The following SGMS1 variants were observed in gnomAD, a reference collection of about 807,000 sequenced individuals.
SGMS1 encodes phosphatidylcholine:ceramide cholinephosphotransferase 1.
A neutral mutation model predicts 46.2 loss-of-function variants in SGMS1; 13 were observed. The observed-to-expected ratio is 0.28, with a 90% CI of 0.18 to 0.45. The LOEUF is 0.45. SGMS1 is among the 20% of genes least tolerant of loss of function. The probability of loss-of-function intolerance (pLI) is 1.00; values close to 1 mark genes in which losing one functional copy is unlikely to be tolerated. For synonymous variants in SGMS1, 203 were observed against 187.8 expected (o/e 1.08, Z -0.66); for missense variants, 324 against 519.9 (o/e 0.62, Z 3.66).
intron 2 of SGMS1, among the ~76,000 whole-genome samples, chr10:50,548,830 A>G (rs1386455494): frequency 6.6e-6 from 1 of 152,186 alleles, no homozygotes; most frequent in African/African-American, 2.4e-5. Context: ...TCTAATATCC[A>G]GAGTCTACAA....
At chr10:50,608,859 A>G (rs1274023871) in intron 1 of SGMS1, among the ~76,000 whole-genome samples, 1 of 152,220 alleles carries the variant, frequency 6.6e-6, no homozygotes, top group East Asian at 1.9e-4. Context: ...AGTCCATCAT[A>G]TAAGATGGCA....
chr10:50,599,822 C>T (rs540916872), intron 1 of SGMS1, among the ~76,000 whole-genome samples: 86 of 152,182 alleles, frequency 5.7e-4, no homozygotes, highest in African/African-American at 2.0e-3. Context: ...AAGATTGCAC[C>T]ACTGCACCCC....
intron 2 of SGMS1, among the ~76,000 whole-genome samples, chr10:50,564,299 G>A (rs933110112): frequency 6.6e-6 from 1 of 152,200 alleles, no homozygotes; most frequent in Non-Finnish European, 1.5e-5. Flanking sequence ...GCTTCTAGAG[G>A]GCTAGCAAAT....
intron 3 of SGMS1, among the ~76,000 whole-genome samples, chr10:50,477,799 A>G (rs983620564): frequency 2.0e-5 from 3 of 152,162 alleles, no homozygotes; most frequent in African/African-American, 7.2e-5. Flanking sequence ...CTTCCCAGCC[A>G]TGTGAAGATG....
intron 6 of SGMS1, among the ~76,000 whole-genome samples, chr10:50,359,537 T>C (rs2574975): frequency 0.32 from 48,224 of 151,970 alleles, 7,887 homozygotes; most frequent in Middle Eastern, 0.42. Context: ...TATAATACTG[T>C]TTTATACATT....
At chr10:50,624,542 A>G (rs1412166864), upstream of SGMS1, 7 of 967,720 alleles carry the variant, frequency 7.2e-6, no homozygotes, top group African/African-American at 7.1e-5. Flanking sequence ...GAGGCGCAAG[A>G]GCTCTAACCG....
At chr10:50,366,807 G>C (rs1012736944) in intron 6 of SGMS1, among the ~76,000 whole-genome samples, 1 of 152,116 alleles carries the variant, frequency 6.6e-6, no homozygotes, top group Non-Finnish European at 1.5e-5. Context: ...GTTGGAGGGT[G>C]GGGGGCTAGG....
intron 2 of SGMS1, among the ~76,000 whole-genome samples, chr10:50,529,118 T>A (rs1005019165): frequency 6.6e-6 from 1 of 152,220 alleles, no homozygotes; most frequent in Non-Finnish European, 1.5e-5. Flanking sequence ...TAGGTGTGGA[T>A]ACAGCAGGAA....
chr10:50,608,494 G>A lies in SGMS1; in HGVS notation c.-684+15213C>T, dbSNP rs141206244. ...TGTACACCACAAGATTTCAGGGGACGCTACTCAGTGCCCACTCCTCAAACA... is the reference window on the plus strand; with the variant it reads ...TGTACACCACAAGATTTCAGGGGACACTACTCAGTGCCCACTCCTCAAACA... On this transcript the variant is annotated intron_variant, in intron 1 of 10. Coordinates refer to ENST00000361781, the MANE Select transcript of SGMS1 (RefSeq NM_147156.4). Among the ~76,000 whole-genome samples, 8 of 152,216 alleles carry A rather than the reference G, an allele frequency of 5.3e-5. No homozygotes were observed. The East Asian group carries it at 1.4e-3, about 26-fold the overall frequency.
At position 50,374,595 on chromosome 10, in the gene SGMS1, T is replaced by G. The variant is rs572275032; in HGVS notation, c.-231-30250A>C. The stretch of plus-strand genomic sequence containing the variant: ...CAAAACCCTTTGTGCTGGATCTCAC[T>G]CCAAGTAAAAAAACCAAACCTCTTT... On this transcript the variant is annotated intron_variant, in intron 6 of 10. Coordinates refer to ENST00000361781, the MANE Select transcript of SGMS1 (RefSeq NM_147156.4). Among the ~76,000 whole-genome samples, 14 of 152,248 alleles carry G rather than the reference T, an allele frequency of 9.2e-5. No individual in the cohort carries two copies. In the South Asian group the frequency reaches 2.9e-3, roughly 32 times the overall value.
chr10:50,603,443 T>A (rs7097359), intron 1 of SGMS1, among the ~76,000 whole-genome samples: 97,768 of 152,078 alleles, frequency 0.64, 31,894 homozygotes, highest in Middle Eastern at 0.69. Flanking sequence ...ATACTCCTTC[T>A]CTTACTTATC....
At chr10:50,511,266 C>CACACACAT (rs1554789035) in intron 3 of SGMS1, among the ~76,000 whole-genome samples, 2 of 147,276 alleles carry the variant, frequency 1.4e-5, no homozygotes, top group Non-Finnish European at 3.0e-5. Context: ...CACACACACA[C>CACACACAT]ACACACACAC....
intron 6 of SGMS1, among the ~76,000 whole-genome samples, chr10:50,372,316 C>T (rs565945383): frequency 2.6e-5 from 4 of 152,120 alleles, no homozygotes; most frequent in African/African-American, 9.6e-5. Flanking sequence ...TTACTTTTCC[C>T]CAAATATAAA....
chr10:50,410,737 C>T (rs1849084137), intron 6 of SGMS1, among the ~76,000 whole-genome samples: 1 of 152,168 alleles, frequency 6.6e-6, no homozygotes, highest in African/African-American at 2.4e-5. Flanking sequence ...CCTCAGACAG[C>T]CCCACCATAG....
intron 3 of SGMS1, among the ~76,000 whole-genome samples, chr10:50,471,523 C>T (rs768100018): frequency 5.9e-5 from 9 of 152,142 alleles, no homozygotes; most frequent in East Asian, 1.9e-4. Flanking sequence ...GTCTATGAGA[C>T]GCAAACACTT....
intron 2 of SGMS1, among the ~76,000 whole-genome samples, chr10:50,548,105 C>G (rs1260160456): frequency 6.6e-6 from 1 of 152,164 alleles, no homozygotes; most frequent in African/African-American, 2.4e-5. Context: ...GGAAGCATTC[C>G]TCTTGAAAAA....
At chr10:50,545,513 T>C (rs929098792) in intron 2 of SGMS1, among the ~76,000 whole-genome samples, 1 of 151,544 alleles carries the variant, frequency 6.6e-6, no homozygotes, top group South Asian at 2.1e-4. Flanking sequence ...CTCGGCTCAC[T>C]GCAACCTCCA....
intron 6 of SGMS1, among the ~76,000 whole-genome samples, chr10:50,374,873 T>C (rs1390043815): frequency 6.6e-6 from 1 of 152,218 alleles, no homozygotes; most frequent in African/African-American, 2.4e-5. Context: ...ACTTCAAGCC[T>C]CTGTTCAAAT....
chr10:50,447,027 G>A (rs530468823), intron 5 of SGMS1, among the ~76,000 whole-genome samples: 77 of 152,124 alleles, frequency 5.1e-4, no homozygotes, highest in African/African-American at 1.6e-3. Flanking sequence ...TCAAAGCAAA[G>A]GAAAACAAAC....
Sources: allele counts gnomAD v4.1 joint callset (sites outside exome capture counted in the v4.1 genomes callset), GRCh38; gene constraint gnomAD v4.1.1; transcripts MANE v1.5; gene names NCBI Gene and HGNC (gene_info 2026-07-23, HGNC 2026-07-21).